The following OPRPN variants were observed in gnomAD, a reference collection of about 807,000 sequenced individuals.
OPRPN encodes opiorphin prepropeptide.
A neutral mutation model predicts 2.2 loss-of-function variants in OPRPN; 1 was observed. The ratio of observed to expected loss-of-function variants is 0.45; its 90% confidence interval spans 0.16 to 2.15. The LOEUF (loss-of-function observed/expected upper bound fraction) is 2.15. Among genes scored for constraint, OPRPN ranks in the 30% most tolerant of loss-of-function variants. OPRPN has a pLI of 0.28. For missense variants in OPRPN, 306 were observed against 297.3 expected (o/e 1.03, Z -0.21); for synonymous variants, 126 against 111.5 (o/e 1.13, Z -0.82).
chr4:70,409,398 T>C lies in OPRPN; in HGVS notation c.70T>C (p.Phe24Leu), dbSNP rs1464503406. Reference protein sequence around the residue: ...SCFTPSESQRFSRRPYLPGQL... With the variant: ...SCFTPSESQRLSRRPYLPGQL... The stretch of plus-strand genomic sequence containing the variant: ...TCCACAGCCCAGTGAGAGTCAAAGA[T>C]TCTCCAGAAGACCATATCTACCTGG... The change falls in exon 3 of 3, where the codon TTC becomes CTC. Residue 24 changes from phenylalanine (F) to leucine (L), a missense_variant. Coordinates refer to ENST00000399575, the MANE Select transcript of OPRPN (RefSeq NM_021225.5). The C allele has an allele frequency of 6.2e-7, 1 of 1,608,644 alleles. No homozygotes were observed. Among genetic ancestry groups the C allele is most frequent in the Admixed American group, 1.7e-5 (1 of 59,194 alleles).
intron 2 of OPRPN, among the ~76,000 whole-genome samples, chr4:70,405,663 CTTAA>C (rs1489252666): frequency 2.0e-5 from 3 of 152,190 alleles, no homozygotes; most frequent in Non-Finnish European, 2.9e-5. Context: ...AGGATTAAAA[CTTAA>C]TTAATTTTTT....
intron 2 of OPRPN, among the ~76,000 whole-genome samples, chr4:70,400,568 C>A (rs907528942): frequency 2.0e-5 from 3 of 151,828 alleles, no homozygotes; most frequent in Non-Finnish European, 2.9e-5. Context: ...AATAGCTGAT[C>A]TTGGGGCCTG....
intron 2 of OPRPN, 98 bp from the exon 3 acceptor site, chr4:70,409,282 C>T (rs1020808744): frequency 1.1e-6 from 1 of 894,772 alleles, no homozygotes; most frequent in Non-Finnish European, 1.7e-6. Flanking sequence ...CTAATGTTTA[C>T]ATAGTAGATA....
At chr4:70,399,666 A>G (rs1386132160) in intron 2 of OPRPN, 1 of 176,426 alleles carries the variant, frequency 5.7e-6, no homozygotes, top group Admixed American at 6.0e-5. Flanking sequence ...AATATAATTT[A>G]AGCTTACTAA....
rs1292936235 is a variant in OPRPN, at chr4:70,410,047, G to A, written c.719G>A (p.Trp240Ter). ...AGCAGCCCAGCCTTTAAAAGTTTTT[G>A]GCAAAAACTCTTTGCCATTTTTGGT... ...ILSSPAFKSF[W>*]QKLFAIFG The change falls in exon 3 of 3, where the codon TGG (tryptophan) becomes TAG (stop). Residue 240 changes from tryptophan to a stop codon, truncating the protein, a stop_gained. Coordinates refer to ENST00000399575, the MANE Select transcript of OPRPN (RefSeq NM_021225.5). LOFTEE classifies it low-confidence loss of function (END_TRUNC). 3.2e-6 allele frequency: 5 copies of A among 1,557,272 alleles called. No homozygotes were observed. In the South Asian group the frequency reaches 6.1e-5, roughly 19 times the overall value.
intron 2 of OPRPN, among the ~76,000 whole-genome samples, chr4:70,400,681 G>T (rs774773947): frequency 6.6e-6 from 1 of 151,850 alleles, no homozygotes; most frequent in Non-Finnish European, 1.5e-5. Flanking sequence ...ATAATTGCAT[G>T]AAATATATAA....
intron 1 of OPRPN, 84 bp from the exon 2 acceptor site, chr4:70,399,187 T>C (rs1732921330): frequency 3.6e-6 from 3 of 826,266 alleles, no homozygotes; most frequent in East Asian, 2.6e-5. Flanking sequence ...ACATAACAAG[T>C]GTTAAAATGT....
chr4:70,409,874 C>T lies in OPRPN; in HGVS notation c.546C>T (p.Ile182=). ...TMTISSSTVP[I]SSTPEPATSI... is the part of the protein sequence containing the mutation. ...CGATCAGCTCCTCAACAGTACCTAT[C>T]TCTTCAACACCAGAGCCTGCCACCT... is the stretch of plus-strand genomic sequence containing the variant. The change falls in exon 3 of 3, where the codon ATC becomes ATT. Residue 182 remains isoleucine (I), a synonymous_variant. Transcript: ENST00000399575. The T allele has an allele frequency of 1.2e-6, 2 of 1,613,700 alleles. No homozygotes were observed. Among genetic ancestry groups the T allele is most frequent in the Non-Finnish European group, 1.7e-6 (2 of 1,179,784 alleles).
At chr4:70,407,018 T>C (rs1284950991) in intron 2 of OPRPN, among the ~76,000 whole-genome samples, 3 of 152,144 alleles carry the variant, frequency 2.0e-5, no homozygotes, top group African/African-American at 4.8e-5. Context: ...TTGCTTCTCA[T>C]GGCAACCCTG....
chr4:70,407,138 G>A (rs1400184263), intron 2 of OPRPN, among the ~76,000 whole-genome samples: 1 of 152,100 alleles, frequency 6.6e-6, no homozygotes, highest in Non-Finnish European at 1.5e-5. Flanking sequence ...GCCTCTGTCT[G>A]GCTCCTCTCA....
At chr4:70,403,721 A>C (rs1006578748) in intron 2 of OPRPN, among the ~76,000 whole-genome samples, 1 of 152,118 alleles carries the variant, frequency 6.6e-6, no homozygotes, top group African/African-American at 2.4e-5. Context: ...AATTCACATA[A>C]CTTGTGAATG....
chr4:70,399,847 T>C (rs989007073), intron 2 of OPRPN, among the ~76,000 whole-genome samples: 3 of 151,940 alleles, frequency 2.0e-5, no homozygotes, highest in African/African-American at 7.2e-5. Flanking sequence ...CCTGAAAATA[T>C]ATTCATTATG....
rs530601750 is a variant in OPRPN at position 70,408,819 on chromosome 4, T to C, written c.52-561T>C. On this transcript the variant is annotated intron_variant, in intron 2 of 2. Coordinates refer to ENST00000399575, the MANE Select transcript of OPRPN (RefSeq NM_021225.5). Reference sequence around the variant, plus strand: ...ATACTATACTAGCTCCATAGGCTTTTTGTTGTATTGCCTTGTATTGTCATT... The same window carrying C: ...ATACTATACTAGCTCCATAGGCTTTCTGTTGTATTGCCTTGTATTGTCATT... Among the ~76,000 whole-genome samples the C allele has an allele frequency of 2.6e-4, 40 of 152,340 alleles. No individual in the cohort carries two copies. The South Asian group carries it at 5.6e-3, about 21-fold the overall frequency.
intron 1 of OPRPN, among the ~76,000 whole-genome samples, chr4:70,398,474 A>C (rs11938536): frequency 0.46 from 69,967 of 151,664 alleles, 17,339 homozygotes; most frequent in Non-Finnish European, 0.56. Context: ...ACACACGCAC[A>C]TACAACTATA....
intron 2 of OPRPN, among the ~76,000 whole-genome samples, chr4:70,400,009 A>G (rs1732938155): frequency 6.6e-6 from 1 of 152,002 alleles, no homozygotes; most frequent in African/African-American, 2.4e-5. Flanking sequence ...AGATCCAAAA[A>G]TATATAATGC....
intron 2 of OPRPN, among the ~76,000 whole-genome samples, chr4:70,403,130 C>G (rs1316450884): frequency 6.6e-6 from 1 of 152,088 alleles, no homozygotes; most frequent in African/African-American, 2.4e-5. Context: ...CTTAAAGTCA[C>G]CTACAGCTTA....
intron 2 of OPRPN, among the ~76,000 whole-genome samples, chr4:70,402,557 A>C (rs1188780633): frequency 6.6e-6 from 1 of 152,152 alleles, no homozygotes; most frequent in Non-Finnish European, 1.5e-5. Context: ...TTGGGTAAAC[A>C]GCAGTGAACA....
chr4:70,401,488 C>T (rs1264435360), intron 2 of OPRPN, among the ~76,000 whole-genome samples: 1 of 151,964 alleles, frequency 6.6e-6, no homozygotes, highest in East Asian at 1.9e-4. Flanking sequence ...AATAACAGTT[C>T]ATATTTGTAT....
chr4:70,409,343 G>A, intron 2 of OPRPN, 37 bp from the exon 3 acceptor site: 1 of 1,503,216 alleles, frequency 6.7e-7, no homozygotes, highest in Admixed American at 2.2e-5. Context: ...ATCAAATTTA[G>A]AAATTTTGTT....
Sources: allele counts gnomAD v4.1 joint callset (sites outside exome capture counted in the v4.1 genomes callset), GRCh38; gene constraint gnomAD v4.1.1; transcripts MANE v1.5; gene names NCBI Gene and HGNC (gene_info 2026-07-23, HGNC 2026-07-21).